Variants in MYO18A observed in about 807,000 individuals in gnomAD.
MYO18A encodes unconventional myosin-XVIIIa.
MYO18A carries 78 observed loss-of-function variants against 235.8 expected under a neutral mutation model. That is an observed-to-expected ratio of 0.33 (90% confidence interval 0.28 to 0.40). The LOEUF (loss-of-function observed/expected upper bound fraction) is 0.40, where lower values mean the gene tolerates loss of function less well. MYO18A is among the 10% of genes least tolerant of loss of function. MYO18A has a pLI of 1.00. For synonymous variants in MYO18A, 977 were observed against 1,077.8 expected (o/e 0.91, Z 1.83); for missense variants, 2,215 against 2,699.3 (o/e 0.82, Z 3.98).
In MYO18A at chr17:29,125,868, G is replaced by A. The variant is rs1567615006; in HGVS notation, c.1000-3615C>T. On this transcript the variant is annotated intron_variant, in intron 2 of 41. Coordinates refer to ENST00000527372, the MANE Select transcript of MYO18A (RefSeq NM_078471.4). This position sits in a 1 kb window ranked among gnomAD's most constrained non-coding sequence, Gnocchi z 5.1. The stretch of plus-strand genomic sequence containing the variant: ...CAGGAAGAGGGCGGCCAGGGACTGG[G>A]ACCCACACACAAGAGTGGCATTACA... The A allele has an allele frequency of 1.0e-6, 1 of 982,594 alleles. No individual in the cohort carries two copies. The allele number at this position is 982,594 out of a possible 1,614,324, so 60.9% of individuals were successfully genotyped here.
At chr17:29,131,421 G>C in intron 2 of MYO18A, 1 of 985,866 alleles carries the variant, frequency 1.0e-6, no homozygotes, top group Non-Finnish European at 1.2e-6. Flanking sequence ...GGCTTTGGCA[G>C]AGTTTTGTCC....
intron 18 of MYO18A, 118 bp from the exon 19 acceptor site, chr17:29,110,219 G>A: frequency 1.4e-6 from 2 of 1,435,366 alleles, no homozygotes; most frequent in Non-Finnish European, 1.9e-6. Context: ...CACCAGCCAG[G>A]ACATGCTAAA....
Position 29,125,925 on chromosome 17 carries a change from G to T in MYO18A, c.1000-3672C>A. On this transcript the variant is annotated intron_variant, in intron 2 of 41. Coordinates refer to ENST00000527372, the MANE Select transcript of MYO18A (RefSeq NM_078471.4). This position sits in a 1 kb window ranked among gnomAD's most constrained non-coding sequence, Gnocchi z 5.1. The stretch of plus-strand genomic sequence containing the variant: ...GTGAAGATCCTCTCCAGCCGCTGGT[G>T]GGCCTCTTCCACGGGGGTCAGCTGG... The T allele has an allele frequency of 1.0e-6, 1 of 985,862 alleles. No homozygotes were observed. The highest frequency in any genetic ancestry group is 1.7e-5 in the African/African-American group (1 of 57,358). The allele number at this position is 985,862 out of a possible 1,614,324, so 61.1% of individuals were successfully genotyped here.
chr17:29,103,644 C>T lies in MYO18A; in HGVS notation c.3462G>A (p.Glu1154=), dbSNP rs779695406. The T allele has an allele frequency of 6.2e-7, 1 of 1,613,858 alleles. No individual in the cohort carries two copies. The highest frequency in any genetic ancestry group is 8.5e-7 in the Non-Finnish European group (1 of 1,179,888). The change falls in exon 21 of 42, where the codon GAG becomes GAA. Residue 1154 remains glutamate, a synonymous_variant. Transcript: ENST00000527372. ...AGCTGCTCTTCTCCAGATCCAAGCA[C>T]TCCAGCAGCTCCTCCACTGCCTGTG... ...DERRAVEELL[E]CLDLEKSSCC... is the part of the protein sequence containing the mutation.
intron 33 of MYO18A, 52 bp downstream of exon 33, chr17:29,092,803 G>A (rs1307264459): frequency 1.1e-5 from 17 of 1,594,676 alleles, no homozygotes; most frequent in African/African-American, 1.3e-5. Context: ...GAAAGAGAAT[G>A]GAAAGGTAAG....
chr17:29,166,379 C>T lies in MYO18A; in HGVS notation c.562G>A (p.Gly188Arg). 6.2e-7 allele frequency: 1 copy of T among 1,613,600 alleles called. No homozygotes were observed. The highest frequency in any genetic ancestry group is 8.5e-7 in the Non-Finnish European group (1 of 1,179,874). The change falls in exon 2 of 42, where the codon GGG (glycine) becomes AGG (arginine). Residue 188 changes from glycine to arginine, a missense_variant. Coordinates refer to ENST00000527372, the MANE Select transcript of MYO18A (RefSeq NM_078471.4). ...AGCTCAGGGGCTCGGGATCGGTGCCCTGGTCGAGGGATGCCTGGGCCAGGA... is the reference window on the plus strand; with the variant it reads ...AGCTCAGGGGCTCGGGATCGGTGCCTTGGTCGAGGGATGCCTGGGCCAGGA... Reference protein sequence around the residue: ...QHPGPGIPRPGHRSRAPELVT... With the variant: ...QHPGPGIPRPRHRSRAPELVT...
At chr17:29,107,031 G>T (rs1227156712) in intron 20 of MYO18A, 49 bp downstream of exon 20, 6 of 1,559,796 alleles carry the variant, frequency 3.8e-6, no homozygotes, top group African/African-American at 1.4e-5. Flanking sequence ...AAGGGCAGCT[G>T]CTTGAGGGGC....
At chr17:29,097,128 G>T in intron 27 of MYO18A, 95 bp downstream of exon 27, 2 of 1,537,970 alleles carry the variant, frequency 1.3e-6, no homozygotes. Context: ...ATTCCAGCCA[G>T]GCCTGCCTGC....
chr17:29,079,859 T>C, intron 41 of MYO18A: 1 of 985,950 alleles, frequency 1.0e-6, no homozygotes, highest in Non-Finnish European at 1.2e-6. Flanking sequence ...GCTGGGCCCT[T>C]CTTCACACTG....
At chr17:29,102,836 C>CG (rs1163827312) in intron 21 of MYO18A, among the ~76,000 whole-genome samples, 1 of 152,248 alleles carries the variant, frequency 6.6e-6, no homozygotes, top group African/African-American at 2.4e-5. Flanking sequence ...ACACGCCCCA[C>CG]GGGGCCCTGC....
rs779191170 is a variant in MYO18A, at chr17:29,086,929, G to A, written c.5712+7C>T. ...ATGTGGGCCCCGTGGGGGACAGGGG[G>A]CATTACCAGTTCGTGCTTCTTGCGG... On this transcript the variant is annotated splice_region_variant and intron_variant, in intron 38 of 41. Transcript: ENST00000527372. 1.2e-6 allele frequency: 2 copies of A among 1,610,252 alleles called. No homozygotes were observed. Among genetic ancestry groups the A allele is most frequent in the Non-Finnish European group, 8.5e-7 (1 of 1,177,970 alleles).
intron 2 of MYO18A, among the ~76,000 whole-genome samples, chr17:29,123,394 A>G (rs978028648): frequency 1.3e-5 from 2 of 152,220 alleles, no homozygotes; most frequent in African/African-American, 2.4e-5. Flanking sequence ...AGTCAGCCTG[A>G]AACCTGAGGC....
chr17:29,134,727 TAGTC>T (rs1210640221), intron 2 of MYO18A, among the ~76,000 whole-genome samples: 2 of 151,902 alleles, frequency 1.3e-5, no homozygotes, highest in African/African-American at 4.8e-5. Flanking sequence ...TTCTCCATGT[TAGTC>T]AGGCTGGTCT....
At chr17:29,104,375 A>T (rs1263454281) in intron 20 of MYO18A, among the ~76,000 whole-genome samples, 1 of 152,210 alleles carries the variant, frequency 6.6e-6, no homozygotes, top group Non-Finnish European at 1.5e-5. Flanking sequence ...TAGGGTATGT[A>T]AGGAGGAATC....
chr17:29,124,109 A>T (rs1437959776), intron 2 of MYO18A, among the ~76,000 whole-genome samples: 1 of 152,158 alleles, frequency 6.6e-6, no homozygotes, highest in Non-Finnish European at 1.5e-5. Context: ...CACATAAGAC[A>T]GGGGAGACCT....
At chr17:29,146,896 C>T (rs1397685726) in intron 2 of MYO18A, among the ~76,000 whole-genome samples, 1 of 152,208 alleles carries the variant, frequency 6.6e-6, no homozygotes, top group African/African-American at 2.4e-5. Flanking sequence ...CCTGAAAGAG[C>T]TGTACCTGAG....
chr17:29,166,528 C>T lies in MYO18A; in HGVS notation c.413G>A (p.Arg138His). ...AKQNSQMIVK[R>H]FSFSQRSRDE... Reference sequence around the variant, plus strand: ...CCGGCTACGCTGGGAGAAGGAAAAGCGCTTGACAATCATCTGTGAGTTCTG... The same window carrying T: ...CCGGCTACGCTGGGAGAAGGAAAAGTGCTTGACAATCATCTGTGAGTTCTG... Residue 138 changes from arginine (R) to histidine (H), a missense_variant, in exon 2 of 42, where the codon CGC (arginine) becomes CAC (histidine). Transcript: ENST00000527372. 2.5e-6 allele frequency: 4 copies of T among 1,613,684 alleles called. No homozygotes were observed. The highest frequency in any genetic ancestry group is 1.1e-5 in the South Asian group (1 of 91,080).
intron 20 of MYO18A, among the ~76,000 whole-genome samples, chr17:29,104,089 G>A (rs1174938659): frequency 6.6e-6 from 1 of 152,226 alleles, no homozygotes; most frequent in Admixed American, 6.5e-5. Flanking sequence ...CACTGGAACT[G>A]GGGGGTGGGT....
intron 21 of MYO18A, among the ~76,000 whole-genome samples, chr17:29,102,708 G>A (rs1163192877): frequency 6.6e-6 from 1 of 152,188 alleles, no homozygotes; most frequent in East Asian, 1.9e-4. Context: ...AGATGGGAGC[G>A]ATTGACAGAG....
Sources: allele counts gnomAD v4.1 joint callset (sites outside exome capture counted in the v4.1 genomes callset), GRCh38; gene constraint gnomAD v4.1.1; non-coding constraint Gnocchi (gnomAD v3.1); transcripts MANE v1.5; gene names NCBI Gene and HGNC (gene_info 2026-07-23, HGNC 2026-07-21).